The following PCDHGB4 variants were observed in gnomAD, a reference collection of about 807,000 sequenced individuals.
The protein encoded by PCDHGB4 is protocadherin gamma subfamily B, 4, also known as protocadherin gamma-B4.
In PCDHGB4, 38 loss-of-function variants were observed where a neutral mutation model predicts 60.5. The observed-to-expected ratio is 0.63, with a 90% CI of 0.48 to 0.82. The LOEUF is 0.82. Ranked by LOEUF, PCDHGB4 falls within the 40% of genes least tolerant of loss-of-function variation. PCDHGB4 has a pLI of 0.00. For missense variants in PCDHGB4, 1,109 were observed against 1,209.6 expected (o/e 0.92, Z 1.23); for synonymous variants, 456 against 509.7 (o/e 0.89, Z 1.42).
At chr5:141,391,890 G>A (rs2092437971) in intron 1 of PCDHGB4, 1 of 152,182 alleles carries the variant, frequency 6.6e-6, no homozygotes, top group Non-Finnish European at 1.5e-5. Context: ...AAAGGGATGG[G>A]ATGGAGCTTT....
In PCDHGB4 at chr5:141,432,177, CTG is replaced by C. The variant is rs769631339; in HGVS notation, c.2397+41899_2397+41900del. 4 of 1,614,102 alleles carry C rather than the reference CTG, an allele frequency of 2.5e-6. No homozygotes were observed. Among genetic ancestry groups the C allele is most frequent in the Admixed American group, 1.7e-5 (1 of 60,012 alleles). ...AATCCCAGAGGAGTTTCCCTCGTCT[CTG>C]TGACCGCCCACGACCCCGACTGTGA... On this transcript the variant is annotated intron_variant, in intron 1 of 3. Transcript: ENST00000519479. The surrounding 1 kb of genome is among the most constrained non-coding windows in gnomAD (Gnocchi z 6.0).
chr5:141,399,632 C>G, intron 1 of PCDHGB4: 1 of 1,613,894 alleles, frequency 6.2e-7, no homozygotes, highest in Non-Finnish European at 8.5e-7. Flanking sequence ...TCTTACGTGT[C>G]CATGAGCGCG....
chr5:141,468,351 A>T (rs1030472813), intron 1 of PCDHGB4: 1 of 149,190 alleles, frequency 6.7e-6, no homozygotes, highest in East Asian at 2.0e-4. Flanking sequence ...AAAAAAAAAG[A>T]AAGAAAAAAG....
chr5:141,490,132 A>G lies in PCDHGB4; in HGVS notation c.2398-4675A>G, dbSNP rs1245562757. The G allele has an allele frequency of 3.7e-6, 6 of 1,614,102 alleles. No homozygotes were observed. In the African/African-American group the frequency reaches 4.0e-5, roughly 11 times the overall value. ...GCGGAACCTCTTTGGCCTAGACCCTAGCAGTGGGGCAATCCATGTGTTGGG... is the reference window on the plus strand; with the variant it reads ...GCGGAACCTCTTTGGCCTAGACCCTGGCAGTGGGGCAATCCATGTGTTGGG... On this transcript the variant is annotated intron_variant, in intron 1 of 3. Coordinates refer to ENST00000519479, the MANE Select transcript of PCDHGB4 (RefSeq NM_003736.4). The surrounding 1 kb of genome is among the most constrained non-coding windows in gnomAD (Gnocchi z 5.4).
Position 141,432,126 on chromosome 5 carries a change from C to A in PCDHGB4, c.2397+41845C>A. 6.2e-7 allele frequency: 1 copy of A among 1,614,144 alleles called. No homozygotes were observed. Among genetic ancestry groups the A allele is most frequent in the South Asian group, 1.1e-5 (1 of 91,058 alleles). ...AACCCGCCGGTCTTCCCTCAGGCCT[C>A]CTATTCCGCTTATATCCCAGAGAAC... On this transcript the variant is annotated intron_variant, in intron 1 of 3. Transcript: ENST00000519479. The surrounding 1 kb of genome is among the most constrained non-coding windows in gnomAD (Gnocchi z 6.0).
chr5:141,427,616 C>T (rs922511046), intron 1 of PCDHGB4: 1 of 693,880 alleles, frequency 1.4e-6, no homozygotes, highest in Non-Finnish European at 2.6e-6. Context: ...GTGAAGTCAA[C>T]GACAATGCTC....
rs546656566 is a variant in PCDHGB4, at chr5:141,389,499, G to C, written c.1615G>C (p.Ala539Pro). 10 of 1,613,058 alleles carry C rather than the reference G, an allele frequency of 6.2e-6. No homozygotes were observed. The African/African-American group carries it at 1.1e-4, about 17-fold the overall frequency. Residue 539 changes from alanine (A) to proline (P), a missense_variant, in exon 1 of 4, where the codon GCG (alanine) becomes CCG (proline). Coordinates refer to ENST00000519479, the MANE Select transcript of PCDHGB4 (RefSeq NM_003736.4). ...TLQARDQGSP[A>P]LSANVSLRVL... ...GCAGGCCCGCGACCAGGGCTCGCCA[G>C]CGCTCAGCGCGAACGTGAGCCTGCG... is the stretch of plus-strand genomic sequence containing the variant.
At chr5:141,413,195 G>A (rs771456948) in intron 1 of PCDHGB4, 2 of 1,610,846 alleles carry the variant, frequency 1.2e-6, no homozygotes, top group Admixed American at 1.7e-5. Context: ...CAAAGGAATC[G>A]CTCAAAGGAA....
chr5:141,393,774 G>A (rs767667499), intron 1 of PCDHGB4: 9 of 1,613,824 alleles, frequency 5.6e-6, no homozygotes, highest in Non-Finnish European at 7.6e-6. Context: ...GGAAATACAA[G>A]CCGAAGATGT....
rs70988802 is a variant in PCDHGB4 at position 141,450,006 on chromosome 5, C to CTA, written c.2398-44800_2398-44799insAT. ...CACATTGCATTTAGTTGCCATGTCT[C>CTA]TTTTTTTTTTTTTTTTTTGAGACAG... On this transcript the variant is annotated intron_variant, in intron 1 of 3. Coordinates refer to ENST00000519479, the MANE Select transcript of PCDHGB4 (RefSeq NM_003736.4). Among the ~76,000 whole-genome samples the CTA allele has an allele frequency of 6.0e-5, 8 of 132,986 alleles. 1 individual carries two copies. The highest frequency in any genetic ancestry group is 9.5e-5 in the Non-Finnish European group (6 of 62,926). The allele number at this position is 132,986 out of a possible 152,430, so 87.2% of individuals were successfully genotyped here. A position where few individuals can be genotyped will look rare whatever the true frequency, so the allele number is the denominator to read the frequency against.
At chr5:141,505,306 T>C in intron 2 of PCDHGB4, 87 bp from the exon 3 acceptor site, 4 of 1,596,550 alleles carry the variant, frequency 2.5e-6, no homozygotes, top group Non-Finnish European at 3.4e-6. Context: ...GTTAGGGTAC[T>C]AGGTTTGGGA....
In PCDHGB4 at chr5:141,415,072, G is replaced by A. The variant is rs558067255; in HGVS notation, c.2397+24791G>A. On this transcript the variant is annotated intron_variant, in intron 1 of 3. Coordinates refer to ENST00000519479, the MANE Select transcript of PCDHGB4 (RefSeq NM_003736.4). ...GGAGCACACGGGCGAGGTGCGCACG[G>A]CGCGAGCCCTGCTGGACAGAGACGC... 6.2e-5 allele frequency: 100 copies of A among 1,613,418 alleles called. No individual in the cohort carries two copies. The East Asian group carries it at 2.0e-3, about 32-fold the overall frequency.
At chr5:141,430,873 G>C (rs2097319709) in intron 1 of PCDHGB4, 1 of 1,598,842 alleles carries the variant, frequency 6.3e-7, no homozygotes, top group African/African-American at 1.3e-5. Flanking sequence ...TTCCGGAAGA[G>C]CTGGAGAAAG....
In PCDHGB4 at chr5:141,477,798, A is replaced by G; in HGVS notation, c.2398-17009A>G. On this transcript the variant is annotated intron_variant, in intron 1 of 3. Transcript: ENST00000519479. The surrounding 1 kb of genome is among the most constrained non-coding windows in gnomAD (Gnocchi z 4.9). ...GTGAACATATTTGTCACTGATCGCA[A>G]TGACAATGCCCCCCAGGTCCTATAT... The G allele has an allele frequency of 6.2e-7, 1 of 1,614,140 alleles. No homozygotes were observed. The highest frequency in any genetic ancestry group is 8.5e-7 in the Non-Finnish European group (1 of 1,180,038).
rs781367282 is a variant in PCDHGB4 at position 141,485,525 on chromosome 5, C to G, written c.2398-9282C>G. On this transcript the variant is annotated intron_variant, in intron 1 of 3. Transcript: ENST00000519479. This position sits in a 1 kb window ranked among gnomAD's most constrained non-coding sequence, Gnocchi z 5.7. ...CACCGAAGGTCCTTTGGAAATGTAC[C>G]GAGCAGAGGTAGAGATCGTAGATGT... is the stretch of plus-strand genomic sequence containing the variant. 5 of 1,614,122 alleles carry G rather than the reference C, an allele frequency of 3.1e-6. No homozygotes were observed. The highest frequency in any genetic ancestry group is 2.5e-6 in the Non-Finnish European group (3 of 1,180,022).
At position 141,490,745 on chromosome 5, in the gene PCDHGB4, C is replaced by A. The variant is rs769031787; in HGVS notation, c.2398-4062C>A. 1 of 1,614,238 alleles carries A rather than the reference C, an allele frequency of 6.2e-7. No homozygotes were observed. Among genetic ancestry groups the A allele is most frequent in the Non-Finnish European group, 8.5e-7 (1 of 1,180,042 alleles). ...GTAGGAAATCAGGTTCAGGGAGCCCCAGCCTCCTCCTTTGTGTATGTCAAC... is the reference window on the plus strand; with the variant it reads ...GTAGGAAATCAGGTTCAGGGAGCCCAAGCCTCCTCCTTTGTGTATGTCAAC... On this transcript the variant is annotated intron_variant, in intron 1 of 3. Transcript: ENST00000519479. The surrounding 1 kb of genome is among the most constrained non-coding windows in gnomAD (Gnocchi z 5.4).
At chr5:141,422,515 AGCCCGC>A in intron 1 of PCDHGB4, 1 of 1,614,044 alleles carries the variant, frequency 6.2e-7, no homozygotes, top group Non-Finnish European at 8.5e-7. Flanking sequence ...AGACCAGGGA[AGCCCGC>A]CTTTGTCTGC....
At position 141,410,475 on chromosome 5, in the gene PCDHGB4, A is replaced by G. The variant is rs185995562; in HGVS notation, c.2397+20194A>G. ...TATTCTTATAATCTGTGCATTGCAC[A>G]TACGGGTACAAAAGAGTTTAATTTC... is the stretch of plus-strand genomic sequence containing the variant. On this transcript the variant is annotated intron_variant, in intron 1 of 3. Transcript: ENST00000519479. The G allele has an allele frequency of 3.7e-6, 6 of 1,614,052 alleles. No homozygotes were observed. In the South Asian group the frequency reaches 6.6e-5, roughly 18 times the overall value.
chr5:141,421,530 C>T (rs377652360), intron 1 of PCDHGB4: 274 of 1,613,922 alleles, frequency 1.7e-4, no homozygotes, highest in Non-Finnish European at 2.3e-4. Flanking sequence ...AGACGGTGTC[C>T]TCCTGTTTTT....
Sources: allele counts gnomAD v4.1 joint callset (sites outside exome capture counted in the v4.1 genomes callset), GRCh38; gene constraint gnomAD v4.1.1; non-coding constraint Gnocchi (gnomAD v3.1); transcripts MANE v1.5; gene names NCBI Gene and HGNC (gene_info 2026-07-23, HGNC 2026-07-21).